The following VSTM4 variants were observed in gnomAD, a reference collection of about 807,000 sequenced individuals.
VSTM4 encodes the protein V-set and transmembrane domain containing 4.
Under a neutral mutation model 36.4 loss-of-function variants are expected in VSTM4, and 20 were observed. The observed-to-expected ratio is 0.55, with a 90% CI of 0.39 to 0.80. The LOEUF (loss-of-function observed/expected upper bound fraction) is 0.80, where lower values mean the gene tolerates loss of function less well. Among genes scored for constraint, VSTM4 ranks in the 30% least tolerant of loss-of-function variants. VSTM4 has a pLI of 0.00. For missense variants in VSTM4, 392 were observed against 404.5 expected, an observed-to-expected ratio of 0.97 and a Z score of 0.26; for synonymous variants, 182 against 173.9, an observed-to-expected ratio of 1.05 and a Z score of -0.37.
At chr10:49,023,379 T>C (rs1282290498) in intron 7 of VSTM4, among the ~76,000 whole-genome samples, 1 of 152,254 alleles carries the variant, frequency 6.6e-6, no homozygotes, top group Non-Finnish European at 1.5e-5. Flanking sequence ...GGCAAATGCA[T>C]ATTCCTCACT....
In VSTM4 at chr10:49,070,240, G is replaced by A. The variant is rs1590104987; in HGVS notation, c.635-5504C>T. 4.6e-5 allele frequency among the ~76,000 whole-genome samples: 2 copies of A among 43,152 alleles called. 1 individual carries two copies. The highest frequency in any genetic ancestry group is 7.1e-5 in the Non-Finnish European group (2 of 28,082). 28.3% of individuals were successfully genotyped at this position (43,152 alleles called of 152,430 possible). ...TGCACTCCAGCCTGGGCGACAGAGCGAGACTCCGTCTCAAAAAAAAAAAAA... is the reference window on the plus strand; with the variant it reads ...TGCACTCCAGCCTGGGCGACAGAGCAAGACTCCGTCTCAAAAAAAAAAAAA... On this transcript the variant is annotated intron_variant, in intron 4 of 7. Transcript: ENST00000332853.
At chr10:49,079,771 G>A (rs1844245635) in intron 3 of VSTM4, among the ~76,000 whole-genome samples, 1 of 151,606 alleles carries the variant, frequency 6.6e-6, no homozygotes, top group Non-Finnish European at 1.5e-5. Context: ...TCTGCACCGA[G>A]TTGTATTTAA....
intron 7 of VSTM4, among the ~76,000 whole-genome samples, chr10:49,045,307 C>G (rs1295934146): frequency 6.6e-6 from 1 of 151,604 alleles, no homozygotes; most frequent in Non-Finnish European, 1.5e-5. Context: ...AAATAAATAT[C>G]CACGGATCCA....
chr10:49,050,404 T>C (rs1843679310), intron 5 of VSTM4, among the ~76,000 whole-genome samples: 1 of 152,146 alleles, frequency 6.6e-6, no homozygotes, highest in Non-Finnish European at 1.5e-5. Context: ...AATATACACA[T>C]GGGTAATAAG....
intron 6 of VSTM4, 45 bp from the exon 7 acceptor site, chr10:49,047,089 C>A: frequency 6.4e-7 from 1 of 1,561,596 alleles, no homozygotes; most frequent in Non-Finnish European, 8.8e-7. Flanking sequence ...CCTCCCAGAA[C>A]ACTTAGTGGC....
chr10:49,064,579 A>G (rs1283101127), intron 5 of VSTM4, 124 bp downstream of exon 5: 2 of 1,133,484 alleles, frequency 1.8e-6, no homozygotes, highest in Non-Finnish European at 2.6e-6. Flanking sequence ...ATTTGCAGGC[A>G]TATTTGTGGA....
chr10:49,079,195 C>T (rs749980962), intron 3 of VSTM4, among the ~76,000 whole-genome samples: 9 of 151,978 alleles, frequency 5.9e-5, no homozygotes, highest in Non-Finnish European at 1.3e-4. Context: ...ACAGTTAAAC[C>T]ATGTTCATGT....
intron 5 of VSTM4, among the ~76,000 whole-genome samples, chr10:49,051,642 C>T (rs1371546049): frequency 6.6e-6 from 1 of 152,118 alleles, no homozygotes; most frequent in East Asian, 1.9e-4. Flanking sequence ...GTGATCCACC[C>T]GCCTTGGCCT....
intron 1 of VSTM4, among the ~76,000 whole-genome samples, chr10:49,111,032 C>A (rs1844884922): frequency 1.3e-5 from 2 of 152,200 alleles, no homozygotes. Context: ...ACAAGCTATT[C>A]AGGTTGTGGG....
At chr10:49,084,218 C>T (rs1227870899) in intron 3 of VSTM4, among the ~76,000 whole-genome samples, 1 of 152,174 alleles carries the variant, frequency 6.6e-6, no homozygotes, top group Non-Finnish European at 1.5e-5. Flanking sequence ...TAGGCATTCT[C>T]TTAATGAGAG....
Position 49,026,393 on chromosome 10 carries a change from G to A in VSTM4, c.838-6618C>T, listed in dbSNP as rs1220686867. Among the ~76,000 whole-genome samples, 4 of 152,322 alleles carry A rather than the reference G, an allele frequency of 2.6e-5. No homozygotes were observed. In the East Asian group the frequency reaches 5.8e-4, roughly 22 times the overall value. ...TTCTATAATATGTCTATTAAGATAG[G>A]TGCCTTTTTGTAATCTACCTAAAGG... On this transcript the variant is annotated intron_variant, in intron 7 of 7. Coordinates refer to ENST00000332853, the MANE Select transcript of VSTM4 (RefSeq NM_001031746.5).
intron 2 of VSTM4, among the ~76,000 whole-genome samples, chr10:49,092,532 A>G (rs951818667): frequency 1.3e-5 from 2 of 152,214 alleles, no homozygotes; most frequent in East Asian, 3.9e-4. Flanking sequence ...AGTGTTATCT[A>G]CAAAGTGATA....
At chr10:49,033,914 T>C (rs970395013) in intron 7 of VSTM4, among the ~76,000 whole-genome samples, 1 of 151,902 alleles carries the variant, frequency 6.6e-6, no homozygotes, top group Admixed American at 6.6e-5. Flanking sequence ...ACCATCATCA[T>C]CACCATCCTC....
chr10:49,035,674 A>AAG (rs1490643692), intron 7 of VSTM4, among the ~76,000 whole-genome samples: 1 of 150,140 alleles, frequency 6.7e-6, no homozygotes, highest in Non-Finnish European at 1.5e-5. Flanking sequence ...CTCCACAAAA[A>AAG]AAAAAAAAAA....
At position 49,107,768 on chromosome 10, in the gene VSTM4, T is replaced by C. The variant is rs756807580; in HGVS notation, c.283A>G (p.Lys95Glu). The change falls in exon 2 of 8, where the codon AAA (lysine) becomes GAA (glutamate). Residue 95 changes from lysine (K) to glutamate (E), a missense_variant. Physicochemically the swap from Lys to Glu is moderately conservative, Grantham distance 56. Transcript: ENST00000332853. ...TCCAGCAGGCGCAGCCTCCGCCGTT[T>C]GGCGCTGCGGCTGAAATTCCCATAG... The part of the protein sequence containing the change: ...QYYGNFSRSA[K>E]RRRLRLLEEQ... The C allele has an allele frequency of 1.2e-6, 2 of 1,614,258 alleles. No individual in the cohort carries two copies. Among genetic ancestry groups the C allele is most frequent in the Admixed American group, 3.3e-5 (2 of 60,038 alleles).
chr10:49,032,588 T>C (rs1257244571), intron 7 of VSTM4, among the ~76,000 whole-genome samples: 1 of 152,150 alleles, frequency 6.6e-6, no homozygotes, highest in African/African-American at 2.4e-5. Context: ...GCAGCCATTT[T>C]TGAATGAATG....
intron 7 of VSTM4, among the ~76,000 whole-genome samples, chr10:49,027,202 T>A (rs1197279441): frequency 6.6e-6 from 1 of 152,200 alleles, no homozygotes; most frequent in African/African-American, 2.4e-5. Flanking sequence ...ATCACAGAAC[T>A]GCTCCCTGGC....
At position 49,014,955 on chromosome 10, in the gene VSTM4, G is replaced by T. The variant is rs1295717358; in HGVS notation, c.*4695C>A. On this transcript the variant is annotated 3_prime_UTR_variant, in exon 8 of 8. Transcript: ENST00000332853. ...GCTTTGGCTGTGACCTATGCCCTGA[G>T]GACACCCCCTTTCCCGCAATGAGCA... is the stretch of plus-strand genomic sequence containing the variant. 6.6e-6 allele frequency: 1 copy of T among 152,398 alleles called. No individual in the cohort carries two copies. Among genetic ancestry groups the T allele is most frequent in the African/African-American group, 2.4e-5 (1 of 41,520 alleles). 9.4% of individuals were successfully genotyped at this position (152,398 alleles called of 1,614,324 possible). A position where few individuals can be genotyped will look rare whatever the true frequency, so the allele number is the denominator to read the frequency against.
intron 5 of VSTM4, among the ~76,000 whole-genome samples, chr10:49,057,683 C>A (rs1843805367): frequency 1.3e-5 from 2 of 152,136 alleles, no homozygotes. Context: ...GGGGACATGA[C>A]AAGGTAGTAA....
Sources: allele counts gnomAD v4.1 joint callset (sites outside exome capture counted in the v4.1 genomes callset), GRCh38; gene constraint gnomAD v4.1.1; transcripts MANE v1.5; gene names NCBI Gene and HGNC (gene_info 2026-07-23, HGNC 2026-07-21).